FSTL5: variants seen among roughly 807,000 people sequenced by gnomAD.
The protein encoded by FSTL5 is follistatin like 5.
A neutral mutation model predicts 89.1 loss-of-function variants in FSTL5; 62 were observed. The observed-to-expected ratio is 0.70, with a 90% CI of 0.57 to 0.86. FSTL5 has a LOEUF of 0.86. Ranked by LOEUF, FSTL5 falls within the 40% of genes least tolerant of loss-of-function variation. FSTL5 has a pLI of 0.00. For synonymous variants in FSTL5, 383 were observed against 346.2 expected (o/e 1.11, Z -1.18); for missense variants, 1,057 against 1,001.6 (o/e 1.06, Z -0.75).
intron 7 of FSTL5, among the ~76,000 whole-genome samples, chr4:161,654,813 C>T (rs1372596769): frequency 6.6e-6 from 1 of 152,028 alleles, no homozygotes; most frequent in Non-Finnish European, 1.5e-5. Flanking sequence ...AGGGATTGCC[C>T]CACCTCATTT....
chr4:161,949,929 T>G (rs998531483), intron 3 of FSTL5, among the ~76,000 whole-genome samples: 1 of 152,162 alleles, frequency 6.6e-6, no homozygotes, highest in Non-Finnish European at 1.5e-5. Context: ...AAATCTAAGA[T>G]ATTTCTACAT....
At chr4:161,781,116 A>G (rs1371517879) in intron 4 of FSTL5, among the ~76,000 whole-genome samples, 1 of 152,052 alleles carries the variant, frequency 6.6e-6, no homozygotes, top group Non-Finnish European at 1.5e-5. Context: ...TCCTCAAATT[A>G]CTCAATAATT....
chr4:161,561,206 G>C (rs200255249), intron 8 of FSTL5, among the ~76,000 whole-genome samples: 2 of 151,476 alleles, frequency 1.3e-5, no homozygotes, highest in South Asian at 2.1e-4. Context: ...TAGATAGATA[G>C]ATAGATAGAT....
chr4:161,547,592 G>C (rs1732050195), intron 8 of FSTL5, among the ~76,000 whole-genome samples: 1 of 151,578 alleles, frequency 6.6e-6, no homozygotes, highest in Admixed American at 6.6e-5. Flanking sequence ...TACTAAAATG[G>C]TAATATACCA....
intron 7 of FSTL5, among the ~76,000 whole-genome samples, chr4:161,605,765 A>G (rs1370424024): frequency 6.6e-6 from 1 of 152,198 alleles, no homozygotes; most frequent in African/African-American, 2.4e-5. Context: ...AGCGTTGTGA[A>G]CAAATGAATT....
Position 161,386,010 on chromosome 4 carries a change from T to C in FSTL5, c.2281A>G (p.Ser761Gly), listed in dbSNP as rs747509351. 3 of 1,613,938 alleles carry C rather than the reference T, an allele frequency of 1.9e-6. No homozygotes were observed. Among genetic ancestry groups the C allele is most frequent in the Non-Finnish European group, 2.5e-6 (3 of 1,179,978 alleles). Residue 761 changes from serine to glycine, a missense_variant, in exon 16 of 16, where the codon AGC becomes GGC. By Grantham distance (56) the Ser-to-Gly change is moderately conservative. Coordinates refer to ENST00000306100, the MANE Select transcript of FSTL5 (RefSeq NM_020116.5). ...ACAAAGAGCACATCAGTTTGTGTGC[T>C]TGAACTACCGTAGATGTTATATTGG... ...AHQYNIYGSS[S>G]TQTDVLFVEL...
chr4:161,658,623 G>GT (rs1736601104), intron 6 of FSTL5, among the ~76,000 whole-genome samples: 1 of 152,002 alleles, frequency 6.6e-6, no homozygotes, highest in African/African-American at 2.4e-5. Context: ...ACAGAGACAT[G>GT]TATATACATA....
At position 161,538,304 on chromosome 4, in the gene FSTL5, A is replaced by T. The variant is rs1731703577; in HGVS notation, c.1178-4T>A. The T allele has an allele frequency of 6.2e-7, 1 of 1,613,358 alleles. No individual in the cohort carries two copies. Reference sequence around the variant, plus strand: ...ATGTGAACCTCACTGCCATTTGCTGAAAAAAGAAGGGAAATGCAACTTGTA... The same window carrying T: ...ATGTGAACCTCACTGCCATTTGCTGTAAAAAGAAGGGAAATGCAACTTGTA... On this transcript the variant is annotated splice_polypyrimidine_tract_variant and splice_region_variant and intron_variant, in intron 9 of 15. Coordinates refer to ENST00000306100, the MANE Select transcript of FSTL5 (RefSeq NM_020116.5).
intron 3 of FSTL5, among the ~76,000 whole-genome samples, chr4:161,934,581 C>G (rs1312572447): frequency 6.6e-6 from 1 of 152,014 alleles, no homozygotes. Flanking sequence ...CTGGTTCCAT[C>G]AGTAACTAGC....
chr4:162,158,033 T>C (rs191075772), intron 1 of FSTL5, among the ~76,000 whole-genome samples: 6 of 152,236 alleles, frequency 3.9e-5, no homozygotes, highest in Non-Finnish European at 8.8e-5. Context: ...AAGCTAATCA[T>C]TTGTTTTGAT....
chr4:161,778,009 G>A (rs1309305360), intron 4 of FSTL5, among the ~76,000 whole-genome samples: 9 of 152,042 alleles, frequency 5.9e-5, no homozygotes, highest in Admixed American at 1.3e-4. Context: ...CAGGAGAATC[G>A]CTGGAACCCC....
chr4:161,426,425 C>T (rs1421396779), intron 15 of FSTL5, among the ~76,000 whole-genome samples: 1 of 152,130 alleles, frequency 6.6e-6, no homozygotes. Context: ...TGGAAAGATT[C>T]TCAGAACTAA....
chr4:162,007,958 G>T (rs1736657887), intron 3 of FSTL5, among the ~76,000 whole-genome samples: 1 of 151,806 alleles, frequency 6.6e-6, no homozygotes, highest in African/African-American at 2.4e-5. Flanking sequence ...GTGATGGGGA[G>T]AATGGATAAT....
rs1578935746 is a variant in FSTL5 at position 161,388,928 on chromosome 4, A to T, written c.1842-2479T>A. ...ACTTTTGGAAGTAATTAAAAATTTA[A>T]AAAAATGGTCCAGTTAAAAATGCAG... On this transcript the variant is annotated intron_variant, in intron 15 of 15. Coordinates refer to ENST00000306100, the MANE Select transcript of FSTL5 (RefSeq NM_020116.5). Among the ~76,000 whole-genome samples, 3 of 152,102 alleles carry T rather than the reference A, an allele frequency of 2.0e-5. No homozygotes were observed. The East Asian group carries it at 5.8e-4, about 29-fold the overall frequency.
chr4:161,853,260 TTTGTTG>T (rs529478220), intron 4 of FSTL5, among the ~76,000 whole-genome samples: 23 of 152,036 alleles, frequency 1.5e-4, no homozygotes, highest in Admixed American at 3.3e-4. Context: ...AAGTGACTTG[TTTGTTG>T]TTGTTGTTGT....
chr4:161,754,091 A>T (rs898977977), intron 6 of FSTL5, among the ~76,000 whole-genome samples: 2 of 150,070 alleles, frequency 1.3e-5, no homozygotes, highest in Non-Finnish European at 3.0e-5. Flanking sequence ...GAGTGATGAC[A>T]TTTTCAATAT....
At chr4:161,840,492 A>C (rs1731176796) in intron 4 of FSTL5, among the ~76,000 whole-genome samples, 1 of 152,216 alleles carries the variant, frequency 6.6e-6, no homozygotes, top group South Asian at 2.1e-4. Flanking sequence ...TAAAAAGCAT[A>C]AATAGCAAGA....
At chr4:161,906,909 G>A (rs10517755) in intron 4 of FSTL5, among the ~76,000 whole-genome samples, 7,061 of 152,140 alleles carry the variant, frequency 0.046, 210 homozygotes, top group Non-Finnish European at 0.07. Context: ...GCTTCCAGTA[G>A]ATGTAGACAC....
chr4:161,850,339 G>A (rs1731508251), intron 4 of FSTL5, among the ~76,000 whole-genome samples: 1 of 152,124 alleles, frequency 6.6e-6, no homozygotes, highest in South Asian at 2.1e-4. Flanking sequence ...TTCATTGATT[G>A]TATTACTGTG....
Sources: gnomAD v4.1 joint callset for allele counts (sites outside exome capture counted in the v4.1 genomes callset) on GRCh38, gnomAD v4.1.1 for gene constraint, MANE v1.5 for transcripts, NCBI Gene and HGNC (gene_info 2026-07-23, HGNC 2026-07-21) for gene names.